The following SEMA3C variants were observed in gnomAD, a reference collection of about 807,000 sequenced individuals.
The protein encoded by SEMA3C is semaphorin 3C.
In SEMA3C, 47 loss-of-function variants were observed where a neutral mutation model predicts 89.4. The observed-to-expected ratio is 0.53, with a 90% confidence interval of 0.42 to 0.67. The LOEUF (loss-of-function observed/expected upper bound fraction) is 0.67. Ranked by LOEUF, SEMA3C falls within the 30% of genes least tolerant of loss-of-function variation. The pLI is 0.00. For synonymous variants in SEMA3C, 310 were observed against 320.2 expected (o/e 0.97, Z 0.34); for missense variants, 839 against 929.1 (o/e 0.90, Z 1.26).
chr7:80,767,090 C>G (rs1265360150), intron 12 of SEMA3C, among the ~76,000 whole-genome samples: 1 of 152,304 alleles, frequency 6.6e-6, no homozygotes, highest in South Asian at 2.1e-4. Flanking sequence ...TATTTTTCTT[C>G]CTTCCATTCC....
intron 2 of SEMA3C, among the ~76,000 whole-genome samples, chr7:80,879,828 G>T (rs769911527): frequency 2.0e-5 from 3 of 152,106 alleles, no homozygotes; most frequent in Non-Finnish European, 4.4e-5. Flanking sequence ...TTTAAAATTA[G>T]TTTGAACAAG....
At chr7:80,822,686 C>CT (rs1485990972) in intron 4 of SEMA3C, among the ~76,000 whole-genome samples, 1 of 152,186 alleles carries the variant, frequency 6.6e-6, no homozygotes, top group Non-Finnish European at 1.5e-5. Context: ...AAGACAGTTA[C>CT]TTGGCCTCTG....
At chr7:80,905,993 G>A in intron 2 of SEMA3C, 1 of 818,800 alleles carries the variant, frequency 1.2e-6, no homozygotes, top group Non-Finnish European at 1.8e-6. Flanking sequence ...TCTTTGTAAG[G>A]AAGCTGGGTG....
At chr7:80,782,440 G>T (rs981397945) in intron 12 of SEMA3C, among the ~76,000 whole-genome samples, 1 of 152,114 alleles carries the variant, frequency 6.6e-6, no homozygotes, top group African/African-American at 2.4e-5. Context: ...ATATTATCAT[G>T]ATATATGTGG....
chr7:80,765,631 C>T (rs1012464157), intron 12 of SEMA3C, among the ~76,000 whole-genome samples: 6 of 152,098 alleles, frequency 3.9e-5, no homozygotes, highest in African/African-American at 1.4e-4. Flanking sequence ...GGCTGGAGTG[C>T]AGTGGCGTGA....
At chr7:80,752,883 T>C (rs1787969174) in intron 15 of SEMA3C, among the ~76,000 whole-genome samples, 6 of 152,158 alleles carry the variant, frequency 3.9e-5, no homozygotes, top group Admixed American at 3.9e-4. Flanking sequence ...TATACTCGAG[T>C]GAGCATATCA....
chr7:80,782,587 C>A (rs1788715396), intron 12 of SEMA3C, among the ~76,000 whole-genome samples: 1 of 152,142 alleles, frequency 6.6e-6, no homozygotes, highest in Non-Finnish European at 1.5e-5. Context: ...AATCAGACAG[C>A]ATGGGTTTAT....
chr7:80,839,256 T>C (rs1790208860), intron 2 of SEMA3C, among the ~76,000 whole-genome samples: 2 of 152,152 alleles, frequency 1.3e-5, no homozygotes, highest in Admixed American at 1.3e-4. Context: ...TTTCAGAGTG[T>C]CCACTTGAGA....
At chr7:80,856,433 C>T (rs1360896778) in intron 2 of SEMA3C, among the ~76,000 whole-genome samples, 1 of 145,864 alleles carries the variant, frequency 6.9e-6, no homozygotes, top group Non-Finnish European at 1.5e-5. Context: ...AAGATTAGCA[C>T]AAGCAGAGAA....
chr7:80,883,764 A>G (rs1791407886), intron 2 of SEMA3C, among the ~76,000 whole-genome samples: 1 of 152,236 alleles, frequency 6.6e-6, no homozygotes, highest in Admixed American at 6.5e-5. Flanking sequence ...ATCAAAGCAC[A>G]TCTTTAAATC....
intron 5 of SEMA3C, among the ~76,000 whole-genome samples, chr7:80,811,538 C>A (rs1449303397): frequency 1.3e-5 from 2 of 150,966 alleles, no homozygotes; most frequent in South Asian, 2.1e-4. Flanking sequence ...AAGCCCCCTA[C>A]CAAAATTCAA....
intron 2 of SEMA3C, 72 bp from the exon 3 acceptor site, chr7:80,828,817 A>G (rs898616764): frequency 7.7e-6 from 9 of 1,163,388 alleles, no homozygotes; most frequent in Non-Finnish European, 1.2e-6. Context: ...AATAAAAACT[A>G]TTATGCAAAT....
intron 17 of SEMA3C, among the ~76,000 whole-genome samples, chr7:80,745,771 T>C (rs1562854802): frequency 6.6e-6 from 1 of 152,034 alleles, no homozygotes; most frequent in Non-Finnish European, 1.5e-5. Flanking sequence ...AGGGTGAATT[T>C]TATCGTTTTG....
chr7:80,871,051 TA>T (rs1791045196), intron 2 of SEMA3C, among the ~76,000 whole-genome samples: 1 of 152,224 alleles, frequency 6.6e-6, no homozygotes, highest in Non-Finnish European at 1.5e-5. Flanking sequence ...TTTCTGGCTG[TA>T]AATTTGTCAT....
At chr7:80,896,087 G>C (rs545100508) in intron 2 of SEMA3C, among the ~76,000 whole-genome samples, 6 of 152,056 alleles carry the variant, frequency 3.9e-5, no homozygotes, top group African/African-American at 1.2e-4. Context: ...AGTAGTCTAA[G>C]CATGATATTA....
At chr7:80,910,335 T>C (rs1450118150) in intron 2 of SEMA3C, among the ~76,000 whole-genome samples, 1 of 152,218 alleles carries the variant, frequency 6.6e-6, no homozygotes. Flanking sequence ...ATAAGGAGGA[T>C]GGGTTGAAAT....
At chr7:80,787,339 C>A (rs1295575616) in intron 12 of SEMA3C, among the ~76,000 whole-genome samples, 2 of 148,228 alleles carry the variant, frequency 1.3e-5, no homozygotes, top group Non-Finnish European at 3.0e-5. Context: ...TTGCAGTGAG[C>A]CGAGATCGTG....
chr7:80,800,142 G>T (rs1184426286), intron 10 of SEMA3C, among the ~76,000 whole-genome samples: 2 of 137,892 alleles, frequency 1.5e-5, no homozygotes, highest in African/African-American at 5.4e-5. Flanking sequence ...AACAGAGCGA[G>T]ACTCCATCTC....
At chr7:80,775,820 C>T (rs1197178215) in intron 12 of SEMA3C, among the ~76,000 whole-genome samples, 1 of 152,028 alleles carries the variant, frequency 6.6e-6, no homozygotes, top group African/African-American at 2.4e-5. Flanking sequence ...TATTCAAATA[C>T]TTCTGAGGCA....
Sources: gnomAD v4.1 joint callset for allele counts (sites outside exome capture counted in the v4.1 genomes callset) on GRCh38, gnomAD v4.1.1 for gene constraint, MANE v1.5 for transcripts, NCBI Gene and HGNC (gene_info 2026-07-23, HGNC 2026-07-21) for gene names.